Variants in C10orf143 observed in about 807,000 individuals in gnomAD.
The protein encoded by C10orf143 is uncharacterized protein C10orf143.
At chr10:130,088,025 T>G (rs528943637) in intron 1 of C10orf143, among the ~76,000 whole-genome samples, 23 of 152,334 alleles carry the variant, frequency 1.5e-4, no homozygotes, top group Admixed American at 3.9e-4. Context: ...ATTAAGCATA[T>G]GTATTACATG....
chr10:130,036,030 C>T (rs1282100825), intron 3 of C10orf143: 6 of 152,202 alleles, frequency 3.9e-5, no homozygotes, highest in South Asian at 4.1e-4. Context: ...GACACAAATT[C>T]GATCATATCT....
intron 3 of C10orf143, among the ~76,000 whole-genome samples, chr10:130,045,080 C>T (rs1860651799): frequency 6.6e-6 from 1 of 152,192 alleles, no homozygotes; most frequent in East Asian, 1.9e-4. Context: ...GGTCCAGGGG[C>T]CCCCACTGCC....
intron 3 of C10orf143, among the ~76,000 whole-genome samples, chr10:130,072,179 T>C (rs1354954742): frequency 3.3e-5 from 5 of 152,268 alleles, no homozygotes; most frequent in Admixed American, 2.0e-4. Flanking sequence ...TTGGTTAGTC[T>C]ACACTTAGGC....
chr10:130,046,939 G>C (rs1336966371), intron 3 of C10orf143, among the ~76,000 whole-genome samples: 1 of 152,250 alleles, frequency 6.6e-6, no homozygotes, highest in Non-Finnish European at 1.5e-5. Flanking sequence ...GTGTGTAAGC[G>C]TGCACACTTG....
At chr10:130,084,196 C>T (rs1200596320) in intron 1 of C10orf143, among the ~76,000 whole-genome samples, 1 of 152,026 alleles carries the variant, frequency 6.6e-6, no homozygotes, top group Non-Finnish European at 1.5e-5. Flanking sequence ...CACCTGTAGT[C>T]CCAGCTACTT....
chr10:130,047,017 A>G (rs1454559084), intron 3 of C10orf143, among the ~76,000 whole-genome samples: 1 of 152,234 alleles, frequency 6.6e-6, no homozygotes, highest in Non-Finnish European at 1.5e-5. Flanking sequence ...AGGCGTTCAC[A>G]CTATAATCCA....
intron 1 of C10orf143, among the ~76,000 whole-genome samples, chr10:130,102,462 T>G (rs1861573316): frequency 6.6e-6 from 1 of 152,018 alleles, no homozygotes; most frequent in South Asian, 2.1e-4. Flanking sequence ...TTAGTAGAGA[T>G]GGGGTTTCAT....
At chr10:130,108,278 C>G (rs551388874) in intron 1 of C10orf143, 27 of 1,571,944 alleles carry the variant, frequency 1.7e-5, no homozygotes, top group Non-Finnish European at 2.2e-5. Context: ...ACCACATGCT[C>G]CGTTTGCAAT....
At chr10:130,048,859 T>C (rs1860706412) in intron 3 of C10orf143, among the ~76,000 whole-genome samples, 1 of 152,122 alleles carries the variant, frequency 6.6e-6, no homozygotes, top group South Asian at 2.1e-4. Flanking sequence ...TGCGCCACCA[T>C]ACCCAGTTAG....
intron 3 of C10orf143, among the ~76,000 whole-genome samples, chr10:130,076,769 G>A (rs1349471583): frequency 6.6e-6 from 1 of 152,128 alleles, no homozygotes; most frequent in Non-Finnish European, 1.5e-5. Flanking sequence ...GTTACCGTGT[G>A]GCCTGTGCAC....
intron 3 of C10orf143, among the ~76,000 whole-genome samples, chr10:130,055,582 G>C (rs1860785451): frequency 6.6e-6 from 1 of 152,164 alleles, no homozygotes; most frequent in Non-Finnish European, 1.5e-5. Context: ...TAAAAAGTTT[G>C]TCAAGAATGT....
chr10:130,104,136 G>C (rs1043756107), intron 1 of C10orf143: 1 of 152,202 alleles, frequency 6.6e-6, no homozygotes, highest in African/African-American at 2.4e-5. Flanking sequence ...ATGAGTTGCA[G>C]GATAAACGTA....
intron 1 of C10orf143, among the ~76,000 whole-genome samples, chr10:130,100,660 T>G (rs1259095795): frequency 6.6e-6 from 1 of 152,228 alleles, no homozygotes; most frequent in African/African-American, 2.4e-5. Flanking sequence ...TCAAATGTTA[T>G]GAGATCCAAA....
At chr10:130,079,997 C>A in intron 1 of C10orf143, 96 bp from the exon 2 acceptor site, 1 of 397,862 alleles carries the variant, frequency 2.5e-6, no homozygotes, top group Non-Finnish European at 4.4e-6. Flanking sequence ...AAATACAGAC[C>A]CCTGTGGAGC....
At chr10:130,106,449 A>G (rs1192327866) in intron 1 of C10orf143, 12 of 1,602,676 alleles carry the variant, frequency 7.5e-6, no homozygotes, top group Non-Finnish European at 1.0e-5. Flanking sequence ...GAAAAGTTGA[A>G]CAGGTCCAAT....
chr10:130,100,839 G>C (rs1033017167), intron 1 of C10orf143, among the ~76,000 whole-genome samples: 21 of 152,120 alleles, frequency 1.4e-4, no homozygotes, highest in African/African-American at 5.1e-4. Flanking sequence ...GGGAACTGTG[G>C]GACAACTATC....
chr10:130,108,064 C>G lies in C10orf143; in HGVS notation c.69+2640G>C, dbSNP rs61730402. The G allele has an allele frequency of 0.01, 15,370 of 1,483,414 alleles. 1,249 individuals carry two copies. The African/African-American group carries it at 0.18, about 18-fold the overall frequency. The allele number at this position is 1,483,414 out of a possible 1,614,324, so 91.9% of individuals were successfully genotyped here. Reference sequence around the variant, plus strand: ...AAGATGATCTTGGTAATTTAAATATCCCTGATTCATCTCTCCCTGCTGAAA... The same window carrying G: ...AAGATGATCTTGGTAATTTAAATATGCCTGATTCATCTCTCCCTGCTGAAA... On this transcript the variant is annotated intron_variant, in intron 1 of 3. Transcript: ENST00000637128.
intron 3 of C10orf143, among the ~76,000 whole-genome samples, chr10:130,073,605 G>A (rs662041): frequency 0.91 from 138,772 of 151,884 alleles, 63,461 homozygotes; most frequent in Admixed American, 0.94. Context: ...CGCCTATTAC[G>A]TGATCAGCTG....
rs1480683146 is a variant in C10orf143 at position 130,069,832 on chromosome 10, C to G, written c.298-5449G>C. Among the ~76,000 whole-genome samples, 10 of 148,408 alleles carry G rather than the reference C, an allele frequency of 6.7e-5. No individual in the cohort carries two copies. In the East Asian group the frequency reaches 1.6e-3, roughly 24 times the overall value. On this transcript the variant is annotated intron_variant, in intron 3 of 3. Transcript: ENST00000637128. ...TGGAAATAACAATTTAGATTTTTCT[C>G]TTTCCAATTCTTATGTCCATTGTTT...
Sources: gnomAD v4.1 joint callset for allele counts (sites outside exome capture counted in the v4.1 genomes callset) on GRCh38, gnomAD v4.1.1 for gene constraint, MANE v1.5 for transcripts, NCBI Gene and HGNC (gene_info 2026-07-23, HGNC 2026-07-21) for gene names.